PCDHA6: variants seen among roughly 807,000 people sequenced by gnomAD.
The protein encoded by PCDHA6 is protocadherin alpha-6.
In PCDHA6, 55 loss-of-function variants were observed where a neutral mutation model predicts 60.3. That is an observed-to-expected ratio of 0.91 (90% confidence interval 0.73 to 1.14). The LOEUF is 1.14. Among genes scored for constraint, PCDHA6 ranks in the 50% most tolerant of loss-of-function variants. PCDHA6 has a pLI of 0.00. For synonymous variants in PCDHA6, 652 were observed against 557.9 expected, an observed-to-expected ratio of 1.17 and a Z score of -2.38; for missense variants, 1,327 against 1,256.5, an observed-to-expected ratio of 1.06 and a Z score of -0.85.
At chr5:140,841,405 C>A (rs2150314710) in intron 1 of PCDHA6, 18 of 1,613,112 alleles carry the variant, frequency 1.1e-5, no homozygotes, top group South Asian at 4.4e-5. Flanking sequence ...AGGTGGGGAG[C>A]GGCCAGCTCC....
chr5:140,942,532 A>G (rs1474733493), intron 1 of PCDHA6, among the ~76,000 whole-genome samples: 2 of 152,142 alleles, frequency 1.3e-5, no homozygotes, highest in Non-Finnish European at 2.9e-5. Context: ...CAACTAACTC[A>G]GTATGGTGGG....
chr5:140,834,191 T>G, intron 1 of PCDHA6: 1 of 586,888 alleles, frequency 1.7e-6, no homozygotes, highest in South Asian at 2.5e-5. Context: ...ATGATGTCGC[T>G]CTTTACCGCA....
chr5:140,969,177 A>C, intron 1 of PCDHA6: 2 of 1,614,086 alleles, frequency 1.2e-6, no homozygotes, highest in Non-Finnish European at 1.7e-6. Flanking sequence ...TCAGGGAGTG[A>C]CACTTTCATG....
Position 140,851,840 on chromosome 5 carries a change from T to C in PCDHA6, c.2394+21355T>C. ...AGAAATCTGTTTTTTTAAAAATATCTTTTTCTCCTCTCAGCTCATACATAA... is the reference window on the plus strand; with the variant it reads ...AGAAATCTGTTTTTTTAAAAATATCCTTTTCTCCTCTCAGCTCATACATAA... On this transcript the variant is annotated intron_variant, in intron 1 of 3. Coordinates refer to ENST00000529310, the MANE Select transcript of PCDHA6 (RefSeq NM_018909.4). 3 of 970,528 alleles carry C rather than the reference T, an allele frequency of 3.1e-6. 1 individual carries two copies. The highest frequency in any genetic ancestry group is 3.7e-6 in the Non-Finnish European group (3 of 803,428). The allele number at this position is 970,528 out of a possible 1,614,324, so 60.1% of individuals were successfully genotyped here.
chr5:140,937,213 A>AT (rs1339770312), intron 1 of PCDHA6, among the ~76,000 whole-genome samples: 2 of 151,454 alleles, frequency 1.3e-5, no homozygotes, highest in Admixed American at 1.3e-4. Flanking sequence ...AATTTTTTGT[A>AT]TTTTTTGTAG....
At chr5:140,932,114 G>A (rs2088047655) in intron 1 of PCDHA6, among the ~76,000 whole-genome samples, 1 of 151,738 alleles carries the variant, frequency 6.6e-6, no homozygotes. Context: ...ATTTCCAATT[G>A]ATAATATTTA....
At chr5:140,899,714 T>C (rs1554188719) in intron 1 of PCDHA6, among the ~76,000 whole-genome samples, 1 of 152,242 alleles carries the variant, frequency 6.6e-6, no homozygotes, top group African/African-American at 2.4e-5. Context: ...TAGGGAGGAT[T>C]CCCTCTTTTT....
chr5:140,985,298 C>T (rs770798262), intron 3 of PCDHA6, among the ~76,000 whole-genome samples: 1 of 152,124 alleles, frequency 6.6e-6, no homozygotes, highest in Non-Finnish European at 1.5e-5. Context: ...ATAGTGTTGG[C>T]TGATAGCCTG....
At chr5:140,836,793 TCTC>T in intron 1 of PCDHA6, 5 of 1,403,902 alleles carry the variant, frequency 3.6e-6, no homozygotes, top group Non-Finnish European at 4.9e-6. Context: ...GTTCAATTGG[TCTC>T]CTTAAATTTT....
chr5:140,997,686 G>T (rs1005092816), intron 3 of PCDHA6, among the ~76,000 whole-genome samples: 1 of 151,980 alleles, frequency 6.6e-6, no homozygotes, highest in Non-Finnish European at 1.5e-5. Flanking sequence ...GTGTGTGTGT[G>T]TGTGTGTGTG....
intron 1 of PCDHA6, chr5:140,928,773 T>A: frequency 6.2e-7 from 1 of 1,614,164 alleles, no homozygotes; most frequent in Non-Finnish European, 8.5e-7. Context: ...TTCTTCCCAC[T>A]GATGCAGTTA....
At chr5:140,832,628 G>T (rs2150202916) in intron 1 of PCDHA6, among the ~76,000 whole-genome samples, 2 of 152,228 alleles carry the variant, frequency 1.3e-5, no homozygotes, top group South Asian at 2.1e-4. Flanking sequence ...TTTTTAAAAA[G>T]TTCCTAGGAG....
Position 140,842,573 on chromosome 5 carries a change from G to A in PCDHA6, c.2394+12088G>A, listed in dbSNP as rs1190804367. The A allele has an allele frequency of 6.6e-6, 10 of 1,507,924 alleles. 1 individual carries two copies. In the African/African-American group the frequency reaches 7.3e-5, roughly 11 times the overall value. 93.4% of individuals were successfully genotyped at this position (1,507,924 alleles called of 1,614,324 possible). A position where few individuals can be genotyped will look rare whatever the true frequency, so the allele number is the denominator to read the frequency against. On this transcript the variant is annotated intron_variant, in intron 1 of 3. Transcript: ENST00000529310. ...GGACAGCGCCCTGGACCGCGAGAGA[G>A]TGTCGGCCTATGAGTTGGTGGTAAC...
intron 1 of PCDHA6, chr5:140,836,648 G>A (rs2150266786): frequency 1.4e-5 from 22 of 1,613,364 alleles, no homozygotes; most frequent in Non-Finnish European, 1.8e-5. Flanking sequence ...AGCAGAGGCG[G>A]CAGAGGGTGT....
chr5:140,876,575 T>C (rs2153342882), intron 1 of PCDHA6: 1 of 1,614,152 alleles, frequency 6.2e-7, no homozygotes, highest in South Asian at 1.1e-5. Context: ...GTGGGTACCG[T>C]CATTGCCCTG....
intron 1 of PCDHA6, chr5:140,834,733 T>A: frequency 6.2e-7 from 1 of 1,614,226 alleles, no homozygotes; most frequent in Admixed American, 1.7e-5. Context: ...CTGCAGGTTT[T>A]CCATGTGGAC....
intron 1 of PCDHA6, among the ~76,000 whole-genome samples, chr5:140,963,436 T>C (rs148474994): frequency 0.01 from 1,563 of 152,364 alleles, 89 homozygotes; most frequent in Admixed American, 0.092. Context: ...ACTAACTTCA[T>C]ACTCTGTTGC....
Position 140,829,701 on chromosome 5 carries a change from C to A in PCDHA6, c.1610C>A (p.Ala537Glu). ...ELELLQFQVS[A>E]RDAGVPPLGS... is the part of the protein sequence containing the mutation. The stretch of plus-strand genomic sequence containing the variant: ...GAGCTGCTGCAGTTTCAGGTGAGCG[C>A]GCGCGACGCGGGCGTGCCGCCTCTG... Residue 537 changes from alanine (A) to glutamate (E), a missense_variant, in exon 1 of 4, where the codon GCG becomes GAG. Physicochemically the swap from Ala to Glu is moderately radical, Grantham distance 107. Coordinates refer to ENST00000529310, the MANE Select transcript of PCDHA6 (RefSeq NM_018909.4). 6.2e-7 allele frequency: 1 copy of A among 1,613,356 alleles called. No individual in the cohort carries two copies. The highest frequency in any genetic ancestry group is 8.5e-7 in the Non-Finnish European group (1 of 1,179,874).
intron 1 of PCDHA6, among the ~76,000 whole-genome samples, chr5:140,915,068 ACTGAGTAG>A (rs2076964271): frequency 1.3e-5 from 2 of 150,322 alleles, no homozygotes; most frequent in South Asian, 4.2e-4. Context: ...GCCTTAGCCT[ACTGAGTAG>A]CTGGGACTAT....
Sources: allele counts gnomAD v4.1 joint callset (sites outside exome capture counted in the v4.1 genomes callset), GRCh38; gene constraint gnomAD v4.1.1; transcripts MANE v1.5; gene names NCBI Gene and HGNC (gene_info 2026-07-23, HGNC 2026-07-21).